Variants in CDH8 observed in about 807,000 individuals in gnomAD.
CDH8 encodes cadherin 8.
In CDH8, 17 loss-of-function variants were observed where a neutral mutation model predicts 68.1. The observed-to-expected ratio is 0.25, with a 90% CI of 0.17 to 0.37. The LOEUF is 0.37. Ranked by LOEUF, CDH8 falls within the 10% of genes least tolerant of loss-of-function variation. The probability of loss-of-function intolerance (pLI) is 1.00; values close to 1 mark genes in which losing one functional copy is unlikely to be tolerated. For synonymous variants in CDH8, 372 were observed against 365.1 expected, an observed-to-expected ratio of 1.02 and a Z score of -0.21; for missense variants, 763 against 999.3, an observed-to-expected ratio of 0.76 and a Z score of 3.19.
rs1380668099 is a variant in CDH8, at chr16:61,713,825, A to T, written c.1654+16T>A. The T allele has an allele frequency of 1.6e-6, 2 of 1,281,228 alleles. No individual in the cohort carries two copies. The highest frequency in any genetic ancestry group is 2.3e-6 in the Non-Finnish European group (2 of 879,320). 79.4% of individuals were successfully genotyped at this position (1,281,228 alleles called of 1,614,324 possible). ...AATTTATATTGTACTCTGTTTCACA[A>T]AGCTAATATATTTACCTTCATTTTT... is the stretch of plus-strand genomic sequence containing the variant. On this transcript the variant is annotated intron_variant, in intron 10 of 11. Coordinates refer to ENST00000577390, the MANE Select transcript of CDH8 (RefSeq NM_001796.5).
At chr16:61,787,792 G>A (rs1032168657) in intron 8 of CDH8, among the ~76,000 whole-genome samples, 6 of 151,424 alleles carry the variant, frequency 4.0e-5, no homozygotes, top group Admixed American at 3.3e-4. Context: ...TCCTTTGTAG[G>A]GACATGGATG....
At chr16:61,964,465 G>A (rs559357779) in intron 2 of CDH8, among the ~76,000 whole-genome samples, 6 of 152,088 alleles carry the variant, frequency 3.9e-5, no homozygotes, top group East Asian at 1.9e-4. Context: ...AAAAGTAACC[G>A]GAAGGAGAGA....
chr16:61,729,995 GCACA>G (rs35622399), intron 8 of CDH8, among the ~76,000 whole-genome samples: 1 of 148,844 alleles, frequency 6.7e-6, no homozygotes, highest in African/African-American at 2.5e-5. Context: ...ACGTGTGCAT[GCACA>G]CACACACACA....
At chr16:61,694,306 T>C (rs1964286005) in intron 10 of CDH8, among the ~76,000 whole-genome samples, 1 of 152,214 alleles carries the variant, frequency 6.6e-6, no homozygotes, top group African/African-American at 2.4e-5. Flanking sequence ...TGTCATACTC[T>C]GTAGTGAGTT....
chr16:61,825,968 T>G (rs183705091), intron 4 of CDH8, among the ~76,000 whole-genome samples: 3 of 151,894 alleles, frequency 2.0e-5, no homozygotes, highest in Non-Finnish European at 4.4e-5. Context: ...TTGTTAAAGA[T>G]CCAAAATTTT....
intron 3 of CDH8, among the ~76,000 whole-genome samples, chr16:61,891,827 A>T (rs191829101): frequency 6.6e-6 from 1 of 152,314 alleles, no homozygotes; most frequent in Non-Finnish European, 1.5e-5. Context: ...AACAAGAAAA[A>T]ATATAATCAA....
intron 8 of CDH8, among the ~76,000 whole-genome samples, chr16:61,766,673 T>C (rs1960603482): frequency 6.6e-6 from 1 of 151,862 alleles, no homozygotes; most frequent in Non-Finnish European, 1.5e-5. Context: ...TGTTTGTTTG[T>C]TTTTAACTTT....
At chr16:61,972,720 A>G (rs542217624) in intron 2 of CDH8, among the ~76,000 whole-genome samples, 1 of 151,932 alleles carries the variant, frequency 6.6e-6, no homozygotes, top group African/African-American at 2.4e-5. Flanking sequence ...AAATCTTTCC[A>G]TGGAATGACC....
intron 4 of CDH8, among the ~76,000 whole-genome samples, chr16:61,834,315 T>C (rs1324361164): frequency 6.6e-6 from 1 of 151,812 alleles, no homozygotes; most frequent in African/African-American, 2.4e-5. Flanking sequence ...ACTTCAAGTC[T>C]TACTGCTTCA....
chr16:61,670,445 C>T (rs1206427812), intron 10 of CDH8, among the ~76,000 whole-genome samples: 2 of 151,810 alleles, frequency 1.3e-5, no homozygotes. Flanking sequence ...TTGAGAAGTC[C>T]TGAGTGTATC....
At chr16:61,728,015 A>G (rs1214419937) in intron 8 of CDH8, among the ~76,000 whole-genome samples, 2 of 151,070 alleles carry the variant, frequency 1.3e-5, no homozygotes, top group African/African-American at 2.4e-5. Context: ...CTTGCAATAA[A>G]TGGAATATAG....
rs184038659 is a variant in CDH8 at position 61,755,738 on chromosome 16, T to C, written c.1415-28523A>G. Among the ~76,000 whole-genome samples, 42 of 152,092 alleles carry C rather than the reference T, an allele frequency of 2.8e-4. 1 individual carries two copies. Among genetic ancestry groups the C allele is most frequent in the Non-Finnish European group, 2.9e-4 (20 of 68,000 alleles). Reference sequence around the variant, plus strand: ...ATAACTGAATTTTATTTTATTTTCATTAGTAGAGTTTTCTTCTTTTTCTTC... The same window carrying C: ...ATAACTGAATTTTATTTTATTTTCACTAGTAGAGTTTTCTTCTTTTTCTTC... On this transcript the variant is annotated intron_variant, in intron 8 of 11. Coordinates refer to ENST00000577390, the MANE Select transcript of CDH8 (RefSeq NM_001796.5).
intron 2 of CDH8, among the ~76,000 whole-genome samples, chr16:61,959,825 A>ATG (rs749159009): frequency 1.0e-4 from 15 of 146,570 alleles, no homozygotes; most frequent in African/African-American, 2.8e-4. Flanking sequence ...CTCTCTCTGT[A>ATG]TGTGTGTGTG....
chr16:61,990,288 A>AGATTCTTG (rs1965693078), intron 2 of CDH8, among the ~76,000 whole-genome samples: 1 of 150,704 alleles, frequency 6.6e-6, no homozygotes, highest in Admixed American at 6.6e-5. Flanking sequence ...CATAGTAATA[A>AGATTCTTG]GATTCTTGAA....
intron 3 of CDH8, among the ~76,000 whole-genome samples, chr16:61,894,841 A>T (rs1249853332): frequency 6.6e-6 from 1 of 152,024 alleles, no homozygotes; most frequent in Non-Finnish European, 1.5e-5. Flanking sequence ...AAAGACTGAG[A>T]TTTGCCTTTT....
intron 8 of CDH8, among the ~76,000 whole-genome samples, chr16:61,762,809 G>A: frequency 6.6e-6 from 1 of 152,148 alleles, no homozygotes. Context: ...ATGACTACTG[G>A]AGTCAGCATC....
chr16:61,660,422 G>C (rs1963532743), intron 10 of CDH8, among the ~76,000 whole-genome samples: 1 of 151,278 alleles, frequency 6.6e-6, no homozygotes. Flanking sequence ...AAAGAATAGA[G>C]AGAAAAAAAG....
chr16:61,918,132 T>C (rs1486353893), intron 2 of CDH8: 1 of 151,690 alleles, frequency 6.6e-6, no homozygotes, highest in Non-Finnish European at 1.5e-5. Flanking sequence ...AAAAATCCAG[T>C]TTCACGTAAG....
At chr16:61,816,868 A>G (rs1479784817) in intron 7 of CDH8, among the ~76,000 whole-genome samples, 2 of 152,168 alleles carry the variant, frequency 1.3e-5, no homozygotes, top group East Asian at 3.9e-4. Flanking sequence ...GAAAAACTAT[A>G]AACAGAGGGT....
Sources: gnomAD v4.1 joint callset for allele counts (sites outside exome capture counted in the v4.1 genomes callset) on GRCh38, gnomAD v4.1.1 for gene constraint, MANE v1.5 for transcripts, NCBI Gene and HGNC (gene_info 2026-07-23, HGNC 2026-07-21) for gene names.